Variants in CLCN2 observed in about 807,000 individuals in gnomAD.
CLCN2 encodes the protein chloride channel protein 2.
CLCN2 carries 72 observed loss-of-function variants against 108.3 expected under a neutral mutation model. The ratio of observed to expected loss-of-function variants is 0.66; its 90% confidence interval spans 0.55 to 0.81. The LOEUF (loss-of-function observed/expected upper bound fraction) is 0.81. Ranked by LOEUF, CLCN2 falls within the 30% of genes least tolerant of loss-of-function variation. The pLI is 0.00. For missense variants in CLCN2, 1,048 were observed against 1,205.2 expected (o/e 0.87, Z 1.93); for synonymous variants, 471 against 467.1 (o/e 1.01, Z -0.11).
chr3:184,357,009 G>A lies in CLCN2; in HGVS notation c.1069C>T (p.Arg357Cys). 6.2e-7 allele frequency: 1 copy of A among 1,613,128 alleles called. No individual in the cohort carries two copies. Among genetic ancestry groups the A allele is most frequent in the Non-Finnish European group, 8.5e-7 (1 of 1,179,606 alleles). The part of the protein sequence containing the change: ...QVMRKQKTIN[R>C]FLMRKRLLFP... ...GCCACTCACTTCCTCATGAGGAAGCGATTGATGGTTTTCTGCTTCCGCATC... is the reference window on the plus strand; with the variant it reads ...GCCACTCACTTCCTCATGAGGAAGCAATTGATGGTTTTCTGCTTCCGCATC... The change falls in exon 10 of 24, where the codon CGC becomes TGC. Residue 357 changes from arginine (R) to cysteine (C), a missense_variant. Coordinates refer to ENST00000265593, the MANE Select transcript of CLCN2 (RefSeq NM_004366.6).
At position 184,353,669 on chromosome 3, in the gene CLCN2, C is replaced by T. The variant is rs572388675; in HGVS notation, c.1848G>A (p.Glu616=). 1 of 1,612,456 alleles carries T rather than the reference C, an allele frequency of 6.2e-7. No individual in the cohort carries two copies. Residue 616 remains glutamate (E), a synonymous_variant, in exon 16 of 24, where the codon GAG becomes GAA. Coordinates refer to ENST00000265593, the MANE Select transcript of CLCN2 (RefSeq NM_004366.6). Reference sequence around the variant, plus strand: ...GACCCCTCCTGGCCTCACCAGGGGACTCCACTAGGGCCAGCATTCGGCCCT... The same window carrying T: ...GACCCCTCCTGGCCTCACCAGGGGATTCCACTAGGGCCAGCATTCGGCCCT... ...RTKGRMLALV[E]SPESMILLGS...
intron 10 of CLCN2, chr3:184,356,639 CAAAA>C (rs555983047): frequency 3.7e-3 from 424 of 114,904 alleles, no homozygotes; most frequent in South Asian, 8.5e-3. Context: ...AACTCCGTCT[CAAAA>C]AAAAAAAAAA....
chr3:184,351,956 G>T, intron 22 of CLCN2, 57 bp downstream of exon 22: 1 of 1,284,212 alleles, frequency 7.8e-7, no homozygotes, highest in Non-Finnish European at 1.1e-6. Flanking sequence ...GGGGGACCAA[G>T]ATCCCCACTG....
rs747444049 is a variant in CLCN2 at position 184,358,058 on chromosome 3, T to C, written c.519A>G (p.Gly173=). The part of the protein sequence containing the change: ...GIPEMKTILR[G]VVLKEYLTLK... ...GTGTGAGGTATTCTTTCAGCACCAC[T>C]CCCCGCAAGATGGTCTTCATCTCAG... The change falls in exon 5 of 24, where the codon GGA becomes GGG. Residue 173 remains glycine (G), a synonymous_variant. Transcript: ENST00000265593. The C allele has an allele frequency of 1.2e-6, 2 of 1,614,032 alleles. No homozygotes were observed. The highest frequency in any genetic ancestry group is 1.7e-5 in the Admixed American group (1 of 60,018).
intron 19 of CLCN2, 88 bp from the exon 20 acceptor site, chr3:184,352,584 G>T (rs1235041908): frequency 2.7e-6 from 4 of 1,478,236 alleles, no homozygotes; most frequent in Non-Finnish European, 3.8e-6. Context: ...GAGCCCAGGG[G>T]AAAGGGCACG....
At chr3:184,357,925 C>T (rs770924049) in intron 5 of CLCN2, 37 bp downstream of exon 5, 4 of 1,613,746 alleles carry the variant, frequency 2.5e-6, no homozygotes, top group South Asian at 2.2e-5. Context: ...TCCTCTTCCA[C>T]CAGGAGGGAC....
In CLCN2 at chr3:184,353,932, C is replaced by A. The variant is rs566562510; in HGVS notation, c.1722-137G>T. 4.8e-6 allele frequency: 7 copies of A among 1,447,266 alleles called. No homozygotes were observed. In the Admixed American group the frequency reaches 1.0e-4, roughly 21 times the overall value. 89.7% of individuals were successfully genotyped at this position (1,447,266 alleles called of 1,614,324 possible). A position where few individuals can be genotyped will look rare whatever the true frequency, so the allele number is the denominator to read the frequency against. On this transcript the variant is annotated intron_variant, in intron 15 of 23. Transcript: ENST00000265593. ...GCTAAGGACCAAGGGGTGCTCCCAC[C>A]CTTCTTTCTGAACAGCAGGGGCCAG... is the stretch of plus-strand genomic sequence containing the variant.
At chr3:184,359,280 G>A in intron 1 of CLCN2, 149 bp from the exon 2 acceptor site, 3 of 996,644 alleles carry the variant, frequency 3.0e-6, no homozygotes, top group Middle Eastern at 2.3e-4. Context: ...CCGAGGTGTG[G>A]GAACAATGCA....
At chr3:184,351,934 T>C (rs1285469762) in intron 22 of CLCN2, 79 bp downstream of exon 22, 6 of 1,072,208 alleles carry the variant, frequency 5.6e-6, no homozygotes, top group Non-Finnish European at 8.7e-6. Flanking sequence ...CTGGCCTGAG[T>C]CCAAACTTGT....
chr3:184,354,882 G>A (rs373944467), intron 13 of CLCN2, 22 bp downstream of exon 13: 3 of 1,611,260 alleles, frequency 1.9e-6, no homozygotes, highest in Non-Finnish European at 2.5e-6. Context: ...CAGGCTGGGT[G>A]AGCAGGCAGC....
intron 22 of CLCN2, chr3:184,349,570 CAT>C (rs1367610286): frequency 6.6e-6 from 1 of 152,290 alleles, no homozygotes. Flanking sequence ...CCATGCCCAG[CAT>C]ATGCTATCTT....
chr3:184,355,210 T>G lies in CLCN2; in HGVS notation c.1326+164A>C. The G allele has an allele frequency of 1.2e-6, 1 of 862,694 alleles. No individual in the cohort carries two copies. 53.4% of individuals were successfully genotyped at this position (862,694 alleles called of 1,614,324 possible). A position where few individuals can be genotyped will look rare whatever the true frequency, so the allele number is the denominator to read the frequency against. On this transcript the variant is annotated intron_variant, in intron 12 of 23. Transcript: ENST00000265593. This position sits in a 1 kb window ranked among gnomAD's most constrained non-coding sequence, Gnocchi z 6.3. ...GCTCTGCCCTCTAGCTGTGTGACTT[T>G]GGGCCAGCTACTTGTGTTTCGACTC...
chr3:184,359,376 C>T (rs568608561), intron 1 of CLCN2, among the ~76,000 whole-genome samples: 6 of 152,284 alleles, frequency 3.9e-5, no homozygotes, highest in East Asian at 1.9e-4. Flanking sequence ...GCAGAATAAT[C>T]GGTCCTCTTC....
At chr3:184,353,553 T>C in intron 16 of CLCN2, 109 bp downstream of exon 16, 1 of 1,562,436 alleles carries the variant, frequency 6.4e-7, no homozygotes, top group Non-Finnish European at 8.7e-7. Flanking sequence ...TGGCAAGTGC[T>C]GGTCCATTCC....
intron 1 of CLCN2, among the ~76,000 whole-genome samples, chr3:184,359,834 T>A (rs1711741946): frequency 6.6e-6 from 1 of 151,994 alleles, no homozygotes. Context: ...GGCTGGGCTG[T>A]GACTGTGGAT....
intron 5 of CLCN2, 31 bp from the exon 6 acceptor site, chr3:184,357,887 G>A: frequency 6.2e-7 from 1 of 1,613,514 alleles, no homozygotes; most frequent in Non-Finnish European, 8.5e-7. Flanking sequence ...TGAGTCGGGA[G>A]GGGGCCCGCC....
intron 14 of CLCN2, 73 bp downstream of exon 14, chr3:184,354,475 C>T: frequency 1.5e-6 from 2 of 1,363,456 alleles, no homozygotes; most frequent in Non-Finnish European, 2.1e-6. Context: ...CAGGGGGCAC[C>T]AGAGTCTCGG....
intron 21 of CLCN2, 73 bp downstream of exon 21, chr3:184,352,220 T>C (rs1205985991): frequency 5.6e-6 from 9 of 1,602,782 alleles, no homozygotes; most frequent in African/African-American, 1.3e-5. Flanking sequence ...GTCCCTCCCA[T>C]GGGGACAGCA....
intron 10 of CLCN2, chr3:184,356,154 G>A: frequency 3.0e-6 from 1 of 333,292 alleles, no homozygotes; most frequent in Non-Finnish European, 5.8e-6. Context: ...TTGTCTCTCT[G>A]CAGTGACTTA....
Sources: allele counts gnomAD v4.1 joint callset (sites outside exome capture counted in the v4.1 genomes callset), GRCh38; gene constraint gnomAD v4.1.1; non-coding constraint Gnocchi (gnomAD v3.1); transcripts MANE v1.5; gene names NCBI Gene and HGNC (gene_info 2026-07-23, HGNC 2026-07-21).